CRPPA: variants seen among roughly 807,000 people sequenced by gnomAD.
CRPPA encodes the protein D-ribitol-5-phosphate cytidylyltransferase.
A neutral mutation model predicts 52.0 loss-of-function variants in CRPPA; 43 were observed. That is an observed-to-expected ratio of 0.83 (90% confidence interval 0.65 to 1.07). The LOEUF is 1.07. Among genes scored for constraint, CRPPA ranks in the 50% least tolerant of loss-of-function variants. The pLI is 0.00. For missense variants in CRPPA, 629 were observed against 551.7 expected, an observed-to-expected ratio of 1.14 and a Z score of -1.40; for synonymous variants, 250 against 203.5, an observed-to-expected ratio of 1.23 and a Z score of -1.94.
At chr7:16,408,411 A>G (rs1160273517) in intron 1 of CRPPA, among the ~76,000 whole-genome samples, 1 of 152,172 alleles carries the variant, frequency 6.6e-6, no homozygotes, top group Non-Finnish European at 1.5e-5. Context: ...AGGCCATGGC[A>G]AGGTCCTCAT....
intron 3 of CRPPA, among the ~76,000 whole-genome samples, chr7:16,370,152 T>C (rs969650525): frequency 1.3e-5 from 2 of 152,018 alleles, no homozygotes; most frequent in African/African-American, 4.8e-5. Context: ...CAGGGAGGGG[T>C]TGCAGGGTGA....
At chr7:16,295,768 T>G (rs76714400) in intron 5 of CRPPA, among the ~76,000 whole-genome samples, 5,399 of 152,196 alleles carry the variant, frequency 0.035, 123 homozygotes, top group South Asian at 0.044. Flanking sequence ...TGTTACCACT[T>G]TAATCATTTG....
intron 1 of CRPPA, 128 bp downstream of exon 1, chr7:16,420,938 C>G: frequency 1.2e-6 from 1 of 840,256 alleles, no homozygotes; most frequent in Non-Finnish European, 1.6e-6. Context: ...GAACAGAGCT[C>G]AAGCTTGAAT....
Position 16,421,418 on chromosome 7 carries a change from CACGGAGAGGG to C in CRPPA, c.-106_-97del. The stretch of plus-strand genomic sequence containing the variant: ...CGGGGTCGCGGGGCGAAGGGCAGAC[CACGGAGAGGG>C]ACGCAGAGCGCGCAAGCAGAAGGCG... On this transcript the variant is annotated 5_prime_UTR_variant, in exon 1 of 10. Transcript: ENST00000407010. 8.7e-7 allele frequency: 1 copy of C among 1,147,736 alleles called. No individual in the cohort carries two copies. Among genetic ancestry groups the C allele is most frequent in the Non-Finnish European group, 1.1e-6 (1 of 918,282 alleles). 71.1% of individuals were successfully genotyped at this position (1,147,736 alleles called of 1,614,324 possible).
At chr7:16,247,791 G>A (rs745389484) in intron 8 of CRPPA, 1 of 151,996 alleles carries the variant, frequency 6.6e-6, no homozygotes, top group Non-Finnish European at 1.5e-5. Flanking sequence ...AATAAACATT[G>A]TACAATATTT....
At chr7:16,299,727 A>T (rs1419013471) in intron 5 of CRPPA, among the ~76,000 whole-genome samples, 2 of 152,236 alleles carry the variant, frequency 1.3e-5, no homozygotes, top group Non-Finnish European at 2.9e-5. Flanking sequence ...ACATGTTTTA[A>T]ATACTTAAAA....
At chr7:16,243,542 C>G (rs1215661059) in intron 8 of CRPPA, among the ~76,000 whole-genome samples, 1 of 151,924 alleles carries the variant, frequency 6.6e-6, no homozygotes, top group Non-Finnish European at 1.5e-5. Flanking sequence ...CAAAAGAAGA[C>G]TACATGAAAC....
chr7:16,298,550 G>T (rs936880825), intron 5 of CRPPA, among the ~76,000 whole-genome samples: 2 of 152,186 alleles, frequency 1.3e-5, no homozygotes, highest in African/African-American at 4.8e-5. Context: ...CCAGCACAAA[G>T]TAAGTGCCCA....
chr7:16,246,771 A>AAACC lies in CRPPA; in HGVS notation c.1119+11615_1119+11618dup, dbSNP rs1394659408. Among the ~76,000 whole-genome samples the AAACC allele has an allele frequency of 7.9e-5, 12 of 152,374 alleles. 1 individual carries two copies. In the South Asian group the frequency reaches 1.7e-3, roughly 21 times the overall value. ...CAAAAGTGGGCTTAAAATATTCAGT[A>AAACC]AACCATGCTGTAAGCAGATGTGCTG... is the stretch of plus-strand genomic sequence containing the variant. On this transcript the variant is annotated intron_variant, in intron 8 of 9. Coordinates refer to ENST00000407010, the MANE Select transcript of CRPPA (RefSeq NM_001101426.4).
chr7:16,136,929 A>G (rs1782774157), intron 9 of CRPPA, among the ~76,000 whole-genome samples: 1 of 152,222 alleles, frequency 6.6e-6, no homozygotes, highest in Non-Finnish European at 1.5e-5. Flanking sequence ...CCAAGTTTAA[A>G]CCCATTAAGA....
chr7:16,397,741 G>A (rs190200865), intron 2 of CRPPA, among the ~76,000 whole-genome samples: 3,010 of 152,260 alleles, frequency 0.02, 94 homozygotes, highest in African/African-American at 0.069. Context: ...TGTGACTGAC[G>A]CGAATGACAC....
In CRPPA at chr7:16,164,479, T is replaced by C. The variant is rs145708446; in HGVS notation, c.1251+51587A>G. Among the ~76,000 whole-genome samples, 196 of 152,308 alleles carry C rather than the reference T, an allele frequency of 1.3e-3. 1 individual carries two copies. Among genetic ancestry groups the C allele is most frequent in the Admixed American group, 5.4e-3 (83 of 15,302 alleles). On this transcript the variant is annotated intron_variant, in intron 9 of 9. Transcript: ENST00000407010. ...CCTGCTCCTTTAGCTCAGAGGAGTT[T>C]ATTACCCACCTTCTGAAGCCTACTT...
At chr7:16,335,189 T>TA (rs1216340233) in intron 3 of CRPPA, among the ~76,000 whole-genome samples, 56 of 103,230 alleles carry the variant, frequency 5.4e-4, no homozygotes, top group Admixed American at 4.8e-4. Context: ...GGAAAAAGAA[T>TA]AAAAAAAAAA....
At chr7:16,099,900 G>A (rs1415342747) in intron 9 of CRPPA, among the ~76,000 whole-genome samples, 2 of 152,146 alleles carry the variant, frequency 1.3e-5, no homozygotes, top group South Asian at 2.1e-4. Context: ...ACACCTGCTA[G>A]TTTTCTATTG....
chr7:16,281,054 T>C (rs756978688), intron 5 of CRPPA, among the ~76,000 whole-genome samples: 6 of 152,226 alleles, frequency 3.9e-5, no homozygotes, highest in African/African-American at 4.8e-5. Context: ...ATTTATCCTA[T>C]GCCATGTTTC....
At chr7:16,334,790 T>G (rs1285109351) in intron 3 of CRPPA, among the ~76,000 whole-genome samples, 1 of 152,118 alleles carries the variant, frequency 6.6e-6, no homozygotes, top group Non-Finnish European at 1.5e-5. Context: ...CTGCCTCTCC[T>G]GTGTTGTCAT....
chr7:16,222,082 G>A (rs1443795832), intron 8 of CRPPA, among the ~76,000 whole-genome samples: 2 of 150,802 alleles, frequency 1.3e-5, no homozygotes, highest in African/African-American at 4.9e-5. Context: ...TTAAGAAAAT[G>A]TGGCACATAT....
intron 8 of CRPPA, among the ~76,000 whole-genome samples, chr7:16,223,516 A>G (rs551520310): frequency 6.6e-6 from 1 of 152,286 alleles, no homozygotes; most frequent in East Asian, 1.9e-4. Flanking sequence ...CCAGATGCAA[A>G]GGCGTGATGA....
chr7:16,283,632 G>A (rs778798307), intron 5 of CRPPA, among the ~76,000 whole-genome samples: 7 of 151,418 alleles, frequency 4.6e-5, no homozygotes, highest in Non-Finnish European at 8.9e-5. Flanking sequence ...GAATAATTTT[G>A]GGGGTAATTT....
Sources: gnomAD v4.1 joint callset for allele counts (sites outside exome capture counted in the v4.1 genomes callset) on GRCh38, gnomAD v4.1.1 for gene constraint, MANE v1.5 for transcripts, NCBI Gene and HGNC (gene_info 2026-07-23, HGNC 2026-07-21) for gene names.